MAGI1: variants seen among roughly 807,000 people sequenced by gnomAD.
The protein encoded by MAGI1 is membrane-associated guanylate kinase, WW and PDZ domain-containing protein 1.
A neutral mutation model predicts 139.9 loss-of-function variants in MAGI1; 58 were observed. The ratio of observed to expected loss-of-function variants is 0.41; its 90% CI spans 0.34 to 0.52. MAGI1 has a LOEUF of 0.52. Ranked by LOEUF, MAGI1 falls within the 20% of genes least tolerant of loss-of-function variation. The pLI is 0.12. For synonymous variants in MAGI1, 812 were observed against 737.9 expected (o/e 1.10, Z -1.63); for missense variants, 1,874 against 1,901.6 (o/e 0.99, Z 0.27).
intron 1 of MAGI1, among the ~76,000 whole-genome samples, chr3:65,627,935 T>C (rs1046108264): frequency 1.3e-5 from 2 of 152,230 alleles, no homozygotes. Flanking sequence ...GTTTTTCTTA[T>C]TTTAAATGTT....
At chr3:65,804,562 C>G (rs1029973698) in intron 1 of MAGI1, among the ~76,000 whole-genome samples, 1 of 151,228 alleles carries the variant, frequency 6.6e-6, no homozygotes, top group African/African-American at 2.4e-5. Flanking sequence ...CCTAAAGCTG[C>G]CTCTTTACAT....
intron 12 of MAGI1, among the ~76,000 whole-genome samples, chr3:65,409,521 G>T (rs1461107133): frequency 6.6e-6 from 1 of 152,070 alleles, no homozygotes; most frequent in Non-Finnish European, 1.5e-5. Flanking sequence ...TAAACTCAAG[G>T]CCAAGCTGAA....
chr3:65,844,112 C>G lies in MAGI1; in HGVS notation c.313+193884G>C, dbSNP rs149254679. The stretch of plus-strand genomic sequence containing the variant: ...AGTTGGTAGGTGTGTCTGGGCCAAA[C>G]AGTGGGGCTGGACACTGGGTCGGTG... On this transcript the variant is annotated intron_variant, in intron 1 of 22. Transcript: ENST00000402939. 7.1e-4 allele frequency: 366 copies of G among 516,036 alleles called. 1 individual carries two copies. The highest frequency in any genetic ancestry group is 6.7e-4 in the Middle Eastern group (1 of 1,494). 32.0% of individuals were successfully genotyped at this position (516,036 alleles called of 1,614,324 possible). A position where few individuals can be genotyped will look rare whatever the true frequency, so the allele number is the denominator to read the frequency against.
At chr3:65,401,372 T>TAC in intron 13 of MAGI1, 67 bp downstream of exon 13, 24 of 778,222 alleles carry the variant, frequency 3.1e-5, no homozygotes, top group East Asian at 6.7e-5. Flanking sequence ...CAGAGTACCC[T>TAC]CCCACCTCCA....
intron 1 of MAGI1, among the ~76,000 whole-genome samples, chr3:65,962,301 T>C (rs916586700): frequency 6.6e-6 from 1 of 151,572 alleles, no homozygotes; most frequent in African/African-American, 2.4e-5. Flanking sequence ...TTTTGTATTT[T>C]TAGTAGAGAC....
chr3:65,887,540 G>A (rs908508330), intron 1 of MAGI1, among the ~76,000 whole-genome samples: 1 of 151,844 alleles, frequency 6.6e-6, no homozygotes, highest in Non-Finnish European at 1.5e-5. Context: ...CATAAAACCT[G>A]TATCTATTTC....
At chr3:65,967,663 T>G (rs1350815031) in intron 1 of MAGI1, among the ~76,000 whole-genome samples, 1 of 152,212 alleles carries the variant, frequency 6.6e-6, no homozygotes, top group Non-Finnish European at 1.5e-5. Context: ...GAAACGTTTC[T>G]TGACGCTGTA....
chr3:65,990,478 G>A (rs1241626275), intron 1 of MAGI1, among the ~76,000 whole-genome samples: 4 of 152,172 alleles, frequency 2.6e-5, no homozygotes, highest in South Asian at 2.1e-4. Flanking sequence ...AACACCAGAT[G>A]AGCATAGCTG....
rs147123131 is a variant in MAGI1 at position 65,356,765 on chromosome 3, G to A, written c.4002C>T (p.Asp1334=). The A allele has an allele frequency of 5.5e-4, 880 of 1,604,786 alleles. No individual in the cohort carries two copies. Among genetic ancestry groups the A allele is most frequent in the Non-Finnish European group, 6.8e-4 (798 of 1,175,874 alleles). Residue 1334 remains aspartate (D), a synonymous_variant, in exon 23 of 23, where the codon GAC becomes GAT. Coordinates refer to ENST00000402939, the MANE Select transcript of MAGI1 (RefSeq NM_001033057.2). ...GCTTCTCCCTCCTCTCCAAAGTGTT[G>A]TCGGCGCTGCGGGTGCCCTCCCTCC... The part of the protein sequence containing the change: ...EKRREGTRSA[D]NTLERREKHE...
At chr3:65,796,956 T>C (rs2040188206) in intron 1 of MAGI1, among the ~76,000 whole-genome samples, 1 of 152,224 alleles carries the variant, frequency 6.6e-6, no homozygotes, top group African/African-American at 2.4e-5. Flanking sequence ...CAGGTACTTT[T>C]CATTCTTTCT....
chr3:65,907,241 T>C (rs1458362350), intron 1 of MAGI1, among the ~76,000 whole-genome samples: 2 of 152,230 alleles, frequency 1.3e-5, no homozygotes, highest in African/African-American at 2.4e-5. Flanking sequence ...CATAGTATTA[T>C]TGAAAATAAA....
chr3:65,473,327 G>C (rs1010973180), intron 4 of MAGI1, among the ~76,000 whole-genome samples: 1 of 152,038 alleles, frequency 6.6e-6, no homozygotes, highest in African/African-American at 2.4e-5. Context: ...CATATTTCTC[G>C]ATCTGTAAAA....
At chr3:65,572,696 TTTATTATCC>T (rs1267762629) in intron 2 of MAGI1, among the ~76,000 whole-genome samples, 1 of 152,112 alleles carries the variant, frequency 6.6e-6, no homozygotes, top group African/African-American at 2.4e-5. Flanking sequence ...GCTGTTTTCC[TTTATTATCC>T]TTATTATCCT....
At chr3:65,979,087 T>TTCCCCCC (rs1560076170) in intron 1 of MAGI1, among the ~76,000 whole-genome samples, 1 of 9,258 alleles carries the variant, frequency 1.1e-4, no homozygotes. Flanking sequence ...TTTTCTTTTC[T>TTCCCCCC]TCCCCCCCCC....
chr3:65,906,648 G>C (rs946396226), intron 1 of MAGI1, among the ~76,000 whole-genome samples: 2 of 152,176 alleles, frequency 1.3e-5, no homozygotes, highest in Non-Finnish European at 2.9e-5. Flanking sequence ...CATTTTGGGA[G>C]GCTGAGGTGG....
chr3:65,512,144 G>C (rs12631870), intron 2 of MAGI1, among the ~76,000 whole-genome samples: 3 of 80,044 alleles, frequency 3.7e-5, no homozygotes, highest in Non-Finnish European at 8.0e-5. Flanking sequence ...TCTCTGGGAC[G>C]CATTCAAAGC....
chr3:65,494,072 C>T lies in MAGI1; in HGVS notation c.431-441G>A, dbSNP rs17073006. 8.9e-3 allele frequency among the ~76,000 whole-genome samples: 1,356 copies of T among 152,280 alleles called. 22 individuals carry two copies. The highest frequency in any genetic ancestry group is 0.03 in the African/African-American group (1,259 of 41,552). The stretch of plus-strand genomic sequence containing the variant: ...CTTGAGATTCTCGTATTCCTCAATA[C>T]AACCGGCAAGTTCCAAAGCCCTTTA... On this transcript the variant is annotated intron_variant, in intron 2 of 22. Coordinates refer to ENST00000402939, the MANE Select transcript of MAGI1 (RefSeq NM_001033057.2).
At chr3:65,917,571 T>C (rs972793966) in intron 1 of MAGI1, among the ~76,000 whole-genome samples, 3 of 152,210 alleles carry the variant, frequency 2.0e-5, no homozygotes, top group Non-Finnish European at 4.4e-5. Flanking sequence ...AAAAGAACTA[T>C]GGTACATCTA....
intron 1 of MAGI1, among the ~76,000 whole-genome samples, chr3:65,852,994 A>T (rs962711883): frequency 2.0e-5 from 3 of 148,600 alleles, no homozygotes; most frequent in African/African-American, 7.7e-5. Context: ...AAAAAAAAAA[A>T]AAAAATTAGC....
Sources: gnomAD v4.1 joint callset for allele counts (sites outside exome capture counted in the v4.1 genomes callset) on GRCh38, gnomAD v4.1.1 for gene constraint, MANE v1.5 for transcripts, NCBI Gene and HGNC (gene_info 2026-07-23, HGNC 2026-07-21) for gene names.